The following TRMT9B variants were observed in gnomAD, a reference collection of about 807,000 sequenced individuals.
TRMT9B encodes tRNA methyltransferase 9B (putative), also known as probable tRNA methyltransferase 9B.
TRMT9B carries 16 observed loss-of-function variants against 11.5 expected under a neutral mutation model. That is an observed-to-expected ratio of 1.39 (90% CI 0.94 to 2.11). The LOEUF is 2.11. Among genes scored for constraint, TRMT9B ranks in the 30% most tolerant of loss-of-function variants. TRMT9B has a pLI of 0.00. For missense variants in TRMT9B, 941 were observed against 553.8 expected (o/e 1.70, Z -7.02); for synonymous variants, 274 against 192.4 (o/e 1.42, Z -3.51).
intron 2 of TRMT9B, among the ~76,000 whole-genome samples, chr8:12,992,316 G>A (rs1489183923): frequency 2.6e-5 from 4 of 152,042 alleles, no homozygotes; most frequent in Non-Finnish European, 4.4e-5. Context: ...GACAGTATCC[G>A]GAAAAATGTC....
chr8:13,026,764 G>A lies in TRMT9B; in HGVS notation c.*4720G>A, dbSNP rs891573827. 6.0e-6 allele frequency: 1 copy of A among 167,040 alleles called. No homozygotes were observed. 10.3% of individuals were successfully genotyped at this position (167,040 alleles called of 1,614,324 possible). ...GATTCAAACCCAGGTCTGGCTCCTA[G>A]TCTCTGCTCTTAACCACAACACCAT... On this transcript the variant is annotated 3_prime_UTR_variant, in exon 5 of 5. Coordinates refer to ENST00000524591, the MANE Select transcript of TRMT9B (RefSeq NM_020844.3).
At chr8:12,979,976 C>G (rs1006806991) in intron 1 of TRMT9B, among the ~76,000 whole-genome samples, 53 of 152,106 alleles carry the variant, frequency 3.5e-4, no homozygotes, top group African/African-American at 1.3e-3. Context: ...CACTGTCACC[C>G]CGCCTGTGCC....
At chr8:13,019,612 C>G (rs564817531) in intron 4 of TRMT9B, among the ~76,000 whole-genome samples, 1 of 152,144 alleles carries the variant, frequency 6.6e-6, no homozygotes, top group East Asian at 1.9e-4. Flanking sequence ...ATTAATGGCC[C>G]TTAGTAACCG....
At chr8:12,946,149 A>G (rs1259742907) in intron 1 of TRMT9B, among the ~76,000 whole-genome samples, 183 bp downstream of exon 1, 2 of 152,228 alleles carry the variant, frequency 1.3e-5, no homozygotes, top group African/African-American at 4.8e-5. Flanking sequence ...AATACTTTAT[A>G]CAAAGGTTAG....
intron 1 of TRMT9B, chr8:12,960,349 C>A (rs976008509): frequency 2.0e-5 from 3 of 152,142 alleles, no homozygotes; most frequent in African/African-American, 7.2e-5. Context: ...TAGCTGAGAA[C>A]CAAACACGTA....
chr8:13,017,765 C>A (rs1251021559), intron 4 of TRMT9B, among the ~76,000 whole-genome samples: 1 of 151,740 alleles, frequency 6.6e-6, no homozygotes, highest in South Asian at 2.1e-4. Context: ...AGACACACAC[C>A]ACCACGCCCA....
At chr8:12,980,932 T>A (rs995117577) in intron 1 of TRMT9B, among the ~76,000 whole-genome samples, 1 of 151,162 alleles carries the variant, frequency 6.6e-6, no homozygotes, top group Admixed American at 6.6e-5. Flanking sequence ...GAATTCTTTT[T>A]TGTTTGTTTG....
Position 13,012,779 on chromosome 8 carries a change from G to C in TRMT9B, c.250G>C (p.Gly84Arg). 1 of 1,613,960 alleles carries C rather than the reference G, an allele frequency of 6.2e-7. No individual in the cohort carries two copies. Among genetic ancestry groups the C allele is most frequent in the Non-Finnish European group, 8.5e-7 (1 of 1,179,890 alleles). Residue 84 changes from glycine to arginine, a missense_variant, in exon 4 of 5, where the codon GGA (glycine) becomes CGA (arginine). By Grantham distance (125) the Gly-to-Arg change is moderately radical. Coordinates refer to ENST00000524591, the MANE Select transcript of TRMT9B (RefSeq NM_020844.3). ...ACTGGTAGAGATTGCCCGGAATAGA[G>C]GATGTGAAGCCATGGTATGTGACAA... ...GPLVEIARNR[G>R]CEAMVCDNLN...
chr8:12,961,322 C>G (rs755999161), intron 1 of TRMT9B, among the ~76,000 whole-genome samples: 1 of 152,054 alleles, frequency 6.6e-6, no homozygotes, highest in Non-Finnish European at 1.5e-5. Flanking sequence ...AAGTACCACA[C>G]CAATGCAATA....
At chr8:13,017,083 A>ACTGCACTCCAGG (rs1554536301) in intron 4 of TRMT9B, among the ~76,000 whole-genome samples, 2 of 150,674 alleles carry the variant, frequency 1.3e-5, no homozygotes, top group Non-Finnish European at 3.0e-5. Flanking sequence ...AGGTCACACC[A>ACTGCACTCCAGG]CTGCACTCCA....
chr8:12,988,020 G>A (rs1410772547), intron 1 of TRMT9B, among the ~76,000 whole-genome samples: 2 of 152,180 alleles, frequency 1.3e-5, no homozygotes, highest in African/African-American at 4.8e-5. Context: ...ACCTTCATAA[G>A]TCTGGGACCA....
chr8:13,011,631 T>C (rs1017902191), intron 3 of TRMT9B: 1 of 972,454 alleles, frequency 1.0e-6, no homozygotes, highest in Non-Finnish European at 1.2e-6. Flanking sequence ...TTCATGTTAC[T>C]ACCTACCTCA....
rs62486882 is a variant in TRMT9B at position 13,022,632 on chromosome 8, C to G, written c.*588C>G. ...TACAAGGACTTTACTAAATTATAAG[C>G]AAACTTGCTTCAAAATAAGTTGACA... On this transcript the variant is annotated 3_prime_UTR_variant, in exon 5 of 5. Transcript: ENST00000524591. 0.17 allele frequency: 28,355 copies of G among 167,064 alleles called. 2,573 individuals carry two copies. The highest frequency in any genetic ancestry group is 0.22 in the African/African-American group (9,279 of 41,480). The allele number at this position is 167,064 out of a possible 1,614,324, so 10.3% of individuals were successfully genotyped here.
chr8:12,950,358 T>C (rs528602661), intron 1 of TRMT9B, among the ~76,000 whole-genome samples: 34 of 152,284 alleles, frequency 2.2e-4, no homozygotes, highest in South Asian at 8.3e-4. Context: ...ATACTTTAGG[T>C]ATGCTTTGTC....
chr8:12,998,545 GC>G (rs1237210241), intron 2 of TRMT9B, among the ~76,000 whole-genome samples: 1 of 152,216 alleles, frequency 6.6e-6, no homozygotes, highest in East Asian at 1.9e-4. Context: ...TGATGACAGG[GC>G]TAAGTGCTTA....
chr8:12,952,236 A>C, intron 1 of TRMT9B: 1 of 438,532 alleles, frequency 2.3e-6, no homozygotes, highest in Non-Finnish European at 4.6e-6. Context: ...TGCATAGGGG[A>C]GCGGAGAGAA....
intron 1 of TRMT9B, among the ~76,000 whole-genome samples, chr8:12,954,875 T>G (rs1428296032): frequency 6.6e-6 from 1 of 152,220 alleles, no homozygotes; most frequent in Non-Finnish European, 1.5e-5. Context: ...GAGTTTGAAC[T>G]AGATCACCTG....
At chr8:12,982,833 C>A (rs1040144244) in intron 1 of TRMT9B, among the ~76,000 whole-genome samples, 2 of 152,144 alleles carry the variant, frequency 1.3e-5, no homozygotes, top group African/African-American at 4.8e-5. Context: ...TGGTTGCAGT[C>A]AAAATGCAGC....
intron 1 of TRMT9B, among the ~76,000 whole-genome samples, chr8:12,961,089 C>T (rs1347982267): frequency 1.2e-4 from 18 of 151,914 alleles, no homozygotes; most frequent in Non-Finnish European, 2.5e-4. Flanking sequence ...TGCAGTGAGC[C>T]GAGATTGCAC....
Sources: allele counts gnomAD v4.1 joint callset (sites outside exome capture counted in the v4.1 genomes callset), GRCh38; gene constraint gnomAD v4.1.1; transcripts MANE v1.5; gene names NCBI Gene and HGNC (gene_info 2026-07-23, HGNC 2026-07-21).